PKD1: variants seen among roughly 807,000 people sequenced by gnomAD.
The protein encoded by PKD1 is polycystin-1.
A neutral mutation model predicts 361.7 loss-of-function variants in PKD1; 81 were observed. That is an observed-to-expected ratio of 0.22 (90% CI 0.19 to 0.27). The LOEUF is 0.27. PKD1 is among the 10% of genes least tolerant of loss of function. The probability of loss-of-function intolerance (pLI) is 1.00; values close to 1 mark genes in which losing one functional copy is unlikely to be tolerated. For missense variants in PKD1, 6,399 were observed against 6,118.3 expected, an observed-to-expected ratio of 1.05 and a Z score of -1.53; for synonymous variants, 3,615 against 2,818.3, an observed-to-expected ratio of 1.28 and a Z score of -8.95.
chr16:2,128,527 G>A (rs1368537169), intron 1 of PKD1, among the ~76,000 whole-genome samples: 2 of 152,100 alleles, frequency 1.3e-5, no homozygotes, highest in African/African-American at 4.8e-5. Context: ...CTGCCCCAGA[G>A]CATGCTGATG....
chr16:2,132,112 T>C (rs2092889420), intron 1 of PKD1, among the ~76,000 whole-genome samples: 1 of 151,162 alleles, frequency 6.6e-6, no homozygotes, highest in African/African-American at 2.4e-5. Flanking sequence ...TAGCCAGGCA[T>C]GGTGGCACAT....
chr16:2,102,339 C>A, intron 25 of PKD1, 42 bp downstream of exon 25: 1 of 1,544,802 alleles, frequency 6.5e-7, no homozygotes, highest in Non-Finnish European at 8.7e-7. Context: ...CCCAGGCCCT[C>A]CTCGACTCTG....
chr16:2,109,718 C>T lies in PKD1; in HGVS notation c.5449G>A (p.Val1817Met), dbSNP rs149713462. 5.0e-5 allele frequency: 80 copies of T among 1,604,862 alleles called. No individual in the cohort carries two copies. Among genetic ancestry groups the T allele is most frequent in the Non-Finnish European group, 4.2e-5 (49 of 1,177,270 alleles). The change falls in exon 15 of 46, where the codon GTG becomes ATG. Residue 1817 changes from valine (V) to methionine (M), a missense_variant. Transcript: ENST00000262304. ...AAGGGCACAGAGGACCCGGCCGCCACGAAGCTGCCTCCGGGCTCGCTGGCC... is the reference window on the plus strand; with the variant it reads ...AAGGGCACAGAGGACCCGGCCGCCATGAAGCTGCCTCCGGGCTCGCTGGCC... The part of the protein sequence containing the change: ...IRASEPGGSF[V>M]AAGSSVPFWG...
chr16:2,111,159 G>T lies in PKD1; in HGVS notation c.4008C>A (p.Asn1336Lys), dbSNP rs770514810. 708 of 1,611,166 alleles carry T rather than the reference G, an allele frequency of 4.4e-4. No individual in the cohort carries two copies. The highest frequency in any genetic ancestry group is 5.8e-4 in the Non-Finnish European group (683 of 1,179,768). ...FDWTFGDGSS[N>K]TTVRGCPTVT... ...CCGTCGGGCACCCCCGCACGGTCGT[G>T]TTGGAGGAGCCATCCCCGAAGGTCC... Residue 1336 changes from asparagine (N) to lysine (K), a missense_variant, in exon 15 of 46, where the codon AAC (asparagine) becomes AAA (lysine). Asn to Lys is a moderately conservative substitution (Grantham distance 94). Coordinates refer to ENST00000262304, the MANE Select transcript of PKD1 (RefSeq NM_001009944.3).
chr16:2,103,025 A>G, intron 23 of PKD1, 55 bp from the exon 24 acceptor site: 2 of 1,579,712 alleles, frequency 1.3e-6, no homozygotes, highest in Non-Finnish European at 1.7e-6. Flanking sequence ...CACCCGGGGG[A>G]CACCCACGAT....
rs1438241694 is a variant in PKD1 at position 2,089,012 on chromosome 16, G to A, written c.*715C>T. 1 of 228,596 alleles carries A rather than the reference G, an allele frequency of 4.4e-6. No homozygotes were observed. Among genetic ancestry groups the A allele is most frequent in the East Asian group, 9.8e-5 (1 of 10,210 alleles). The allele number at this position is 228,596 out of a possible 1,614,324, so 14.2% of individuals were successfully genotyped here. On this transcript the variant is annotated 3_prime_UTR_variant, in exon 46 of 46. Coordinates refer to ENST00000262304, the MANE Select transcript of PKD1 (RefSeq NM_001009944.3). ...TACTTGCCCAGACCTGATGCCAGCA[G>A]GCCTGGGCGCTGCTCTCTTGCTACC...
rs755856906 is a variant in PKD1 at position 2,109,557 on chromosome 16, G to A, written c.5610C>T (p.Asn1870=). 32 of 1,611,588 alleles carry A rather than the reference G, an allele frequency of 2.0e-5. No individual in the cohort carries two copies. Among genetic ancestry groups the A allele is most frequent in the African/African-American group, 6.7e-5 (5 of 74,924 alleles). ...ACGTGGCTGAGACCCAGCTGACTGC[G>A]TTGGAGGCATTGAGCCGGATGGAGA... The part of the protein sequence containing the change: ...GTFSIRLNAS[N]AVSWVSATYN... The change falls in exon 15 of 46, where the codon AAC becomes AAT. Residue 1870 remains asparagine, a synonymous_variant. Transcript: ENST00000262304.
chr16:2,128,581 T>C (rs894381679), intron 1 of PKD1, among the ~76,000 whole-genome samples: 1 of 152,172 alleles, frequency 6.6e-6, no homozygotes, highest in African/African-American at 2.4e-5. Flanking sequence ...TTTCCTGGTG[T>C]GTAAAATGAG....
chr16:2,097,375 T>C lies in PKD1; in HGVS notation c.10349A>G (p.Glu3450Gly), dbSNP rs1321795630. The C allele has an allele frequency of 6.2e-7, 1 of 1,611,788 alleles. No individual in the cohort carries two copies. Among genetic ancestry groups the C allele is most frequent in the South Asian group, 1.1e-5 (1 of 91,078 alleles). Residue 3450 changes from glutamate to glycine, a missense_variant, in exon 33 of 46, where the codon GAG becomes GGG. Coordinates refer to ENST00000262304, the MANE Select transcript of PKD1 (RefSeq NM_001009944.3). ...GQAGHGLGPE[E>G]DGFSLASPYS... is the part of the protein sequence containing the mutation. ...GGGGCTGGCCAGGGAGAAGCCGTCC[T>C]CCTCTGGGCCCAGCCCATGGCCCGC... is the stretch of plus-strand genomic sequence containing the variant.
chr16:2,091,992 G>GGA, intron 40 of PKD1, 55 bp downstream of exon 40: 1 of 1,612,410 alleles, frequency 6.2e-7, no homozygotes, highest in Non-Finnish European at 8.5e-7. Flanking sequence ...CGGCACTCCT[G>GGA]GAGAACTACT....
chr16:2,103,108 C>T, intron 23 of PKD1, 138 bp from the exon 24 acceptor site: 1 of 1,274,524 alleles, frequency 7.8e-7, no homozygotes, highest in Non-Finnish European at 1.1e-6. Context: ...CTGGCACCTG[C>T]TTCTCCGTGG....
chr16:2,107,780 G>A (rs2092395485), intron 16 of PKD1, 103 bp downstream of exon 16: 11 of 1,078,402 alleles, frequency 1.0e-5, no homozygotes, highest in African/African-American at 3.1e-5. Flanking sequence ...AACAGAGAGG[G>A]GAGAGCGTGC....
rs575176787 is a variant in PKD1, at chr16:2,115,622, G to A, written c.1853C>T (p.Thr618Ile). 19 of 1,600,592 alleles carry A rather than the reference G, an allele frequency of 1.2e-5. No homozygotes were observed. In the South Asian group the frequency reaches 2.0e-4, roughly 17 times the overall value. Residue 618 changes from threonine to isoleucine, a missense_variant, in exon 10 of 46, where the codon ACC becomes ATC. Transcript: ENST00000262304. ...CTCAGGCTCGCTGCCGTTCTCCGGG[G>A]TCCCTGTGAGGAGGGGAGGGTGTTG... ...QVYRLLSTAG[T>I]PENGSEPESR...
intron 21 of PKD1, 89 bp downstream of exon 21, chr16:2,105,233 C>T: frequency 1.5e-6 from 2 of 1,345,114 alleles, no homozygotes; most frequent in East Asian, 2.4e-5. Flanking sequence ...GGCTCAGCTC[C>T]TCGGCCAAGC....
rs769518746 is a variant in PKD1, at chr16:2,105,458, T to C, written c.7880A>G (p.Asp2627Gly). The C allele has an allele frequency of 6.3e-7, 1 of 1,594,532 alleles. No homozygotes were observed. Among genetic ancestry groups the C allele is most frequent in the Non-Finnish European group, 8.5e-7 (1 of 1,178,682 alleles). Reference sequence around the variant, plus strand: ...CTCGTGCTTGGGCTCTGCCGCCACGTCCAGGGCCCGCTCGTACTGGGGCAG... The same window carrying C: ...CTCGTGCTTGGGCTCTGCCGCCACGCCCAGGGCCCGCTCGTACTGGGGCAG... Reference protein sequence around the residue: ...TVLNEYERALDVAAEPKHERQ... With the variant: ...TVLNEYERALGVAAEPKHERQ... Residue 2627 changes from aspartate (D) to glycine (G), a missense_variant, in exon 21 of 46, where the codon GAC (aspartate) becomes GGC (glycine). Asp to Gly is a moderately conservative substitution (Grantham distance 94). Coordinates refer to ENST00000262304, the MANE Select transcript of PKD1 (RefSeq NM_001009944.3).
At position 2,104,544 on chromosome 16, in the gene PKD1, G is replaced by A. The variant is rs762198944; in HGVS notation, c.8115C>T (p.Gly2705=). 6 of 1,584,452 alleles carry A rather than the reference G, an allele frequency of 3.8e-6. No homozygotes were observed. The African/African-American group carries it at 5.5e-5, about 14-fold the overall frequency. Residue 2705 remains glycine, a synonymous_variant, in exon 22 of 46, where the codon GGC becomes GGT. Transcript: ENST00000262304. The part of the protein sequence containing the change: ...MLILQAETTA[G]TVTPTAIGDS... ...CTCCGATGGCGGTGGGCGTCACGGT[G>A]CCCGCGGTGGTCTCTGCCTGCAGGA...
At chr16:2,119,083 C>T (rs755809639) in intron 3 of PKD1, 31 bp downstream of exon 3, 2 of 1,092,678 alleles carry the variant, frequency 1.8e-6, no homozygotes, top group Non-Finnish European at 2.7e-6. Flanking sequence ...TGGGGTCCAG[C>T]CAGGACCCCA....
intron 1 of PKD1, among the ~76,000 whole-genome samples, chr16:2,121,328 G>A (rs2092717159): frequency 6.6e-6 from 1 of 151,250 alleles, no homozygotes; most frequent in Admixed American, 6.6e-5. Flanking sequence ...TCGCACCCCT[G>A]CACTCCAGCA....
At chr16:2,105,580 G>A in intron 20 of PKD1, 106 bp from the exon 21 acceptor site, 13 of 1,592,638 alleles carry the variant, frequency 8.2e-6, no homozygotes, top group Non-Finnish European at 9.3e-6. Flanking sequence ...TAGACGCTGT[G>A]TGATGCGGGC....
Sources: gnomAD v4.1 joint callset for allele counts (sites outside exome capture counted in the v4.1 genomes callset) on GRCh38, gnomAD v4.1.1 for gene constraint, MANE v1.5 for transcripts, NCBI Gene and HGNC (gene_info 2026-07-23, HGNC 2026-07-21) for gene names.